The following THAP5 variants were observed in gnomAD, a reference collection of about 807,000 sequenced individuals.
The protein encoded by THAP5 is THAP domain containing 5.
A neutral mutation model predicts 34.0 loss-of-function variants in THAP5; 26 were observed. The ratio of observed to expected loss-of-function variants is 0.77; its 90% confidence interval spans 0.56 to 1.06. The LOEUF (loss-of-function observed/expected upper bound fraction) is 1.06, where lower values mean the gene tolerates loss of function less well. Ranked by LOEUF, THAP5 falls within the 50% of genes least tolerant of loss-of-function variation. The probability of loss-of-function intolerance (pLI) is 0.00; values close to 1 mark genes in which losing one functional copy is unlikely to be tolerated. For synonymous variants in THAP5, 125 were observed against 153.0 expected (o/e 0.82, Z 1.35); for missense variants, 394 against 452.8 (o/e 0.87, Z 1.18).
At chr7:108,557,897 T>C (rs183217795), downstream of THAP5, among the ~76,000 whole-genome samples, 43 of 152,280 alleles carry the variant, frequency 2.8e-4, no homozygotes, top group East Asian at 8.1e-3. Flanking sequence ...AGAAAAGAGG[T>C]TTAATTGTCT....
At chr7:108,569,044 G>A (rs1790549863) in intron 1 of THAP5, 7 of 955,070 alleles carry the variant, frequency 7.3e-6, no homozygotes, top group Non-Finnish European at 8.8e-6. Flanking sequence ...TAATCATTCC[G>A]GGCCTCAGTT....
rs2154518220 is a variant in THAP5 at position 108,569,706 on chromosome 7, T to C, written c.-137A>G. On this transcript the variant is annotated 5_prime_UTR_variant, in exon 1 of 3. Transcript: ENST00000415914. Reference sequence around the variant, plus strand: ...ATTCTGCCGGGAAAGCCGCCTCGTCTGTCGACTCACTTCCGCCTCCTCCGG... The same window carrying C: ...ATTCTGCCGGGAAAGCCGCCTCGTCCGTCGACTCACTTCCGCCTCCTCCGG... 9 of 1,172,986 alleles carry C rather than the reference T, an allele frequency of 7.7e-6. 1 individual carries two copies. The South Asian group carries it at 9.7e-5, about 13-fold the overall frequency. 72.7% of individuals were successfully genotyped at this position (1,172,986 alleles called of 1,614,324 possible). A position where few individuals can be genotyped will look rare whatever the true frequency, so the allele number is the denominator to read the frequency against.
chr7:108,560,749 TTTTTC>T (rs1864421865), downstream of THAP5, among the ~76,000 whole-genome samples: 1 of 152,176 alleles, frequency 6.6e-6, no homozygotes, highest in African/African-American at 2.4e-5. Flanking sequence ...ACTGCAACTT[TTTTTC>T]TTTTGTGACA....
chr7:108,556,935 A>G (rs1253745081), intron 1 of THAP5, among the ~76,000 whole-genome samples: 2 of 152,218 alleles, frequency 1.3e-5, no homozygotes, highest in African/African-American at 4.8e-5. Context: ...TCTGAAATCT[A>G]GGTGGAGGCT....
chr7:108,569,422 C>G, intron 1 of THAP5, 68 bp downstream of exon 1: 1 of 1,549,190 alleles, frequency 6.5e-7, no homozygotes, highest in Non-Finnish European at 8.7e-7. Flanking sequence ...AGGAGACACC[C>G]AAGCCCAAAG....
downstream of THAP5, among the ~76,000 whole-genome samples, chr7:108,551,208 C>T (rs1864351745): frequency 1.3e-5 from 2 of 152,054 alleles, no homozygotes; most frequent in South Asian, 4.1e-4. Flanking sequence ...TTTATTTGGG[C>T]CATGCTATGG....
downstream of THAP5, among the ~76,000 whole-genome samples, chr7:108,553,674 A>G (rs1864367735): frequency 6.6e-6 from 1 of 152,160 alleles, no homozygotes; most frequent in South Asian, 2.1e-4. Flanking sequence ...TCTCAGACAT[A>G]GGGTAATTTG....
downstream of THAP5, among the ~76,000 whole-genome samples, chr7:108,553,128 A>G (rs1477647882): frequency 6.6e-6 from 1 of 152,170 alleles, no homozygotes; most frequent in Non-Finnish European, 1.5e-5. Flanking sequence ...ATTACCTGAC[A>G]CTTAGTAAAA....
chr7:108,545,943 A>G, the THAP5 span, among the ~76,000 whole-genome samples: 2 of 151,892 alleles, frequency 1.3e-5, no homozygotes, highest in African/African-American at 2.4e-5. Flanking sequence ...TTTTTCCTCT[A>G]TTTGCTCTTA....
chr7:108,548,350 A>G, the THAP5 span, among the ~76,000 whole-genome samples: 14 of 152,350 alleles, frequency 9.2e-5, no homozygotes, highest in African/African-American at 3.1e-4. Flanking sequence ...GAAGCTAAAA[A>G]GCTCATAAAA....
Position 108,565,185 on chromosome 7 carries a change from G to T in THAP5, c.274-80C>A, listed in dbSNP as rs552854801. 10 of 1,171,996 alleles carry T rather than the reference G, an allele frequency of 8.5e-6. No individual in the cohort carries two copies. The African/African-American group carries it at 1.4e-4, about 16-fold the overall frequency. 72.6% of individuals were successfully genotyped at this position (1,171,996 alleles called of 1,614,324 possible). ...GCTAGTGCTATTTAATTATAATATT[G>T]AGTAGTACACTGGCCAAGCAAATTT... On this transcript the variant is annotated intron_variant, in intron 2 of 2. Transcript: ENST00000415914.
rs1790557368 is a variant in THAP5 at position 108,569,279 on chromosome 7, G to A, written c.80+211C>T. ...ACTGTTAACACCCAAACAGGCTCCTGGGCCTCGCCACCAGCCAGCAGTCCT... is the reference window on the plus strand; with the variant it reads ...ACTGTTAACACCCAAACAGGCTCCTAGGCCTCGCCACCAGCCAGCAGTCCT... On this transcript the variant is annotated intron_variant, in intron 1 of 2. Transcript: ENST00000415914. 6 of 1,432,048 alleles carry A rather than the reference G, an allele frequency of 4.2e-6. No individual in the cohort carries two copies. In the African/African-American group the frequency reaches 7.2e-5, roughly 17 times the overall value. The allele number at this position is 1,432,048 out of a possible 1,614,324, so 88.7% of individuals were successfully genotyped here.
downstream of THAP5, among the ~76,000 whole-genome samples, chr7:108,559,387 G>C (rs540111171): frequency 2.6e-5 from 4 of 152,190 alleles, no homozygotes; most frequent in South Asian, 8.3e-4. Flanking sequence ...GGAAATAAGT[G>C]AATACATTCA....
chr7:108,548,007 T>C, the THAP5 span, among the ~76,000 whole-genome samples: 1 of 152,192 alleles, frequency 6.6e-6, no homozygotes, highest in Admixed American at 6.5e-5. Context: ...CCAATGAGCC[T>C]CCTAAAAGCC....
chr7:108,553,670 A>G (rs1228276429), downstream of THAP5, among the ~76,000 whole-genome samples: 1 of 152,190 alleles, frequency 6.6e-6, no homozygotes, highest in East Asian at 1.9e-4. Flanking sequence ...CTGCTCTCAG[A>G]CATAGGGTAA....
downstream of THAP5, among the ~76,000 whole-genome samples, chr7:108,554,303 T>C (rs1389437260): frequency 6.6e-6 from 1 of 152,222 alleles, no homozygotes; most frequent in Non-Finnish European, 1.5e-5. Flanking sequence ...GCTTTTCTCT[T>C]AATAAAATAT....
the THAP5 span, among the ~76,000 whole-genome samples, chr7:108,542,722 C>CA: frequency 1.3e-5 from 2 of 152,156 alleles, no homozygotes; most frequent in African/African-American, 2.4e-5. Flanking sequence ...CTCGGCCTCT[C>CA]AAAGTGCTGG....
intron 2 of THAP5, 51 bp from the exon 3 acceptor site, chr7:108,565,156 T>C: frequency 7.4e-7 from 1 of 1,358,566 alleles, no homozygotes; most frequent in Non-Finnish European, 9.8e-7. Context: ...TATTGGCTTA[T>C]TATGCTAGTG....
At position 108,569,669 on chromosome 7, in the gene THAP5, G is replaced by T; in HGVS notation, c.-100C>A. 6.9e-7 allele frequency: 1 copy of T among 1,446,614 alleles called. No individual in the cohort carries two copies. The allele number at this position is 1,446,614 out of a possible 1,614,324, so 89.6% of individuals were successfully genotyped here. A position where few individuals can be genotyped will look rare whatever the true frequency, so the allele number is the denominator to read the frequency against. On this transcript the variant is annotated 5_prime_UTR_variant, in exon 1 of 3. Transcript: ENST00000415914. Reference sequence around the variant, plus strand: ...AGGTCCAGGCCTCTCGAGCCCCTGCGCCTGCGCTAGCATTCTGCCGGGAAA... The same window carrying T: ...AGGTCCAGGCCTCTCGAGCCCCTGCTCCTGCGCTAGCATTCTGCCGGGAAA...
Sources: allele counts gnomAD v4.1 joint callset (sites outside exome capture counted in the v4.1 genomes callset), GRCh38; gene constraint gnomAD v4.1.1; transcripts MANE v1.5; gene names NCBI Gene and HGNC (gene_info 2026-07-23, HGNC 2026-07-21).